TMCC1: variants seen among roughly 807,000 people sequenced by gnomAD.
TMCC1 encodes the protein transmembrane and coiled-coil domain family 1.
In TMCC1, 15 loss-of-function variants were observed where a neutral mutation model predicts 52.4. That is an observed-to-expected ratio of 0.29 (90% CI 0.19 to 0.44). TMCC1 has a LOEUF of 0.44. Among genes scored for constraint, TMCC1 ranks in the 20% least tolerant of loss-of-function variants. The pLI, the probability that TMCC1 is intolerant of heterozygous loss-of-function variation, is 1.00. For missense variants in TMCC1, 503 were observed against 806.0 expected, an observed-to-expected ratio of 0.62 and a Z score of 4.55; for synonymous variants, 279 against 301.9, an observed-to-expected ratio of 0.92 and a Z score of 0.79.
At chr3:129,724,021 C>T (rs889864261) in intron 4 of TMCC1, among the ~76,000 whole-genome samples, 19 of 151,614 alleles carry the variant, frequency 1.3e-4, no homozygotes, top group African/African-American at 3.9e-4. Context: ...AGGAATATGC[C>T]GAATAACCCT....
intron 4 of TMCC1, among the ~76,000 whole-genome samples, chr3:129,717,739 A>G (rs1272109985): frequency 5.9e-5 from 9 of 152,194 alleles, no homozygotes; most frequent in African/African-American, 2.2e-4. Flanking sequence ...AAATCCAACT[A>G]CATCTTATAA....
intron 2 of TMCC1, chr3:129,847,031 G>GAA (rs1320409838): frequency 2.0e-5 from 3 of 151,796 alleles, no homozygotes; most frequent in African/African-American, 7.3e-5. Context: ...ACATAATTTT[G>GAA]AAAAAAGAAT....
At chr3:129,836,518 A>G (rs754858204) in intron 2 of TMCC1, among the ~76,000 whole-genome samples, 44 of 152,194 alleles carry the variant, frequency 2.9e-4, no homozygotes, top group Non-Finnish European at 4.6e-4. Flanking sequence ...TCTGACCACA[A>G]TGTGGATTCC....
At chr3:129,758,527 C>T (rs1388217333) in intron 4 of TMCC1, among the ~76,000 whole-genome samples, 1 of 152,166 alleles carries the variant, frequency 6.6e-6, no homozygotes, top group East Asian at 1.9e-4. Context: ...ACCAAGACTC[C>T]TTTGAGAAAT....
rs1560350161 is a variant in TMCC1, at chr3:129,759,709, A to ATTTTTTTTTTTTTTT, written c.576+68093_576+68094insAAAAAAAAAAAAAAA. On this transcript the variant is annotated intron_variant, in intron 4 of 6. Coordinates refer to ENST00000393238, the MANE Select transcript of TMCC1 (RefSeq NM_001017395.5). ...GGCATGAGCCACTGCAGCCAGCCAA[A>ATTTTTTTTTTTTTTT]CTTTTTTTTTTTTTTTTTTTTTTTT... 1.3e-4 allele frequency among the ~76,000 whole-genome samples: 13 copies of ATTTTTTTTTTTTTTT among 98,372 alleles called. 1 individual carries two copies. Among genetic ancestry groups the ATTTTTTTTTTTTTTT allele is most frequent in the African/African-American group, 5.1e-4 (13 of 25,370 alleles). The allele number at this position is 98,372 out of a possible 152,430, so 64.5% of individuals were successfully genotyped here.
intron 1 of TMCC1, among the ~76,000 whole-genome samples, chr3:129,882,973 T>C (rs765240502): frequency 6.6e-6 from 1 of 152,108 alleles, no homozygotes; most frequent in Non-Finnish European, 1.5e-5. Flanking sequence ...GTATTTAACA[T>C]TACTGAACAC....
intron 4 of TMCC1, among the ~76,000 whole-genome samples, chr3:129,785,586 AACACAC>A (rs10576514): frequency 1.6e-5 from 2 of 128,278 alleles, no homozygotes; most frequent in Non-Finnish European, 3.2e-5. Flanking sequence ...CACACACACA[AACACAC>A]ACACACACAT....
chr3:129,664,651 C>G (rs772057522), intron 5 of TMCC1, among the ~76,000 whole-genome samples: 2 of 152,200 alleles, frequency 1.3e-5, no homozygotes, highest in Admixed American at 6.5e-5. Flanking sequence ...CTGCTTTATA[C>G]AGGCTACAGT....
chr3:129,776,026 T>C lies in TMCC1; in HGVS notation c.576+51777A>G, dbSNP rs146747406. 2.5e-3 allele frequency among the ~76,000 whole-genome samples: 386 copies of C among 152,318 alleles called. 3 individuals are homozygous for C. The highest frequency in any genetic ancestry group is 8.9e-3 in the African/African-American group (371 of 41,576). The stretch of plus-strand genomic sequence containing the variant: ...CATCTACACTGGTCAAGTTCTCCCG[T>C]TGTTAGGGCCTTTGCACTAAGGAAC... On this transcript the variant is annotated intron_variant, in intron 4 of 6. Transcript: ENST00000393238.
chr3:129,825,669 A>G (rs1388178070), intron 4 of TMCC1, among the ~76,000 whole-genome samples: 1 of 152,224 alleles, frequency 6.6e-6, no homozygotes, highest in South Asian at 2.1e-4. Flanking sequence ...ACACTAAATG[A>G]AAGAAGTCAA....
rs1349123462 is a variant in TMCC1, at chr3:129,670,482, G to C, written c.1359C>G (p.Asp453Glu). 47 of 1,614,062 alleles carry C rather than the reference G, an allele frequency of 2.9e-5. No homozygotes were observed. Among genetic ancestry groups the C allele is most frequent in the Non-Finnish European group, 3.8e-5 (45 of 1,180,028 alleles). ...GTGCATCAAATCCTGAGCTCTGCAT[G>C]TCCAGGGTGTTTGTTTTGGAGCTGG... Reference protein sequence around the residue: ...GASSSKTNTLDMQSSGFDALL... With the variant: ...GASSSKTNTLEMQSSGFDALL... The change falls in exon 5 of 7, where the codon GAC (aspartate) becomes GAG (glutamate). Residue 453 changes from aspartate to glutamate, a missense_variant. Asp to Glu is a conservative substitution (Grantham distance 45, BLOSUM62 2). Coordinates refer to ENST00000393238, the MANE Select transcript of TMCC1 (RefSeq NM_001017395.5).
At position 129,650,871 on chromosome 3, in the gene TMCC1, T is replaced by C. The variant is rs2086283899; in HGVS notation, c.*610A>G. ...TCCTTTGGGGGATGATGCTTTCACT[T>C]TTGTATCCTCGTCAAGGTTAAGGGG... is the stretch of plus-strand genomic sequence containing the variant. On this transcript the variant is annotated 3_prime_UTR_variant, in exon 7 of 7. Coordinates refer to ENST00000393238, the MANE Select transcript of TMCC1 (RefSeq NM_001017395.5). The C allele has an allele frequency of 6.5e-6, 1 of 153,926 alleles. No homozygotes were observed. Among genetic ancestry groups the C allele is most frequent in the Non-Finnish European group, 1.5e-5 (1 of 68,946 alleles). 9.5% of individuals were successfully genotyped at this position (153,926 alleles called of 1,614,324 possible).
At chr3:129,700,680 T>A (rs1405979042) in intron 4 of TMCC1, among the ~76,000 whole-genome samples, 1 of 151,990 alleles carries the variant, frequency 6.6e-6, no homozygotes, top group African/African-American at 2.4e-5. Flanking sequence ...TTTCATCAGG[T>A]TGGTCAGGCT....
At chr3:129,669,220 A>T (rs1463772720) in intron 5 of TMCC1, among the ~76,000 whole-genome samples, 1 of 152,214 alleles carries the variant, frequency 6.6e-6, no homozygotes, top group Non-Finnish European at 1.5e-5. Context: ...ACACATTTTT[A>T]AAAGGTGAAA....
chr3:129,693,581 C>T (rs1261147507), intron 4 of TMCC1, among the ~76,000 whole-genome samples: 1 of 146,118 alleles, frequency 6.8e-6, no homozygotes, highest in Non-Finnish European at 1.5e-5. Context: ...ACCTTCCGGG[C>T]TCAAGTGATC....
chr3:129,801,956 T>A (rs72987339), intron 4 of TMCC1, among the ~76,000 whole-genome samples: 1 of 152,168 alleles, frequency 6.6e-6, no homozygotes, highest in Non-Finnish European at 1.5e-5. Context: ...CAAATAGTGT[T>A]ATTTAGTGTT....
intron 5 of TMCC1, among the ~76,000 whole-genome samples, chr3:129,662,983 C>A (rs191231941): frequency 9.9e-4 from 151 of 152,250 alleles, no homozygotes; most frequent in African/African-American, 3.4e-3. Context: ...CCACTGGAAG[C>A]AAAACCTGTT....
intron 2 of TMCC1, among the ~76,000 whole-genome samples, chr3:129,863,001 T>C (rs920837374): frequency 3.3e-5 from 5 of 152,212 alleles, no homozygotes; most frequent in Admixed American, 6.5e-5. Flanking sequence ...TAAGATTCAA[T>C]TCAGGTGAAA....
At chr3:129,699,600 G>A (rs1443955124) in intron 4 of TMCC1, among the ~76,000 whole-genome samples, 1 of 152,166 alleles carries the variant, frequency 6.6e-6, no homozygotes, top group Non-Finnish European at 1.5e-5. Context: ...TAATAAACTT[G>A]CTTTCACTTT....
Sources: allele counts gnomAD v4.1 joint callset (sites outside exome capture counted in the v4.1 genomes callset), GRCh38; gene constraint gnomAD v4.1.1; transcripts MANE v1.5; gene names NCBI Gene and HGNC (gene_info 2026-07-23, HGNC 2026-07-21).